Variants in MUC4 observed in about 807,000 individuals in gnomAD.
The protein encoded by MUC4 is mucin-4.
In MUC4, 202 loss-of-function variants were observed where a neutral mutation model predicts 257.9. The observed-to-expected ratio is 0.78, with a 90% CI of 0.70 to 0.88. MUC4 has a LOEUF of 0.88. Ranked by LOEUF, MUC4 falls within the 40% of genes least tolerant of loss-of-function variation. The pLI, the probability that MUC4 is intolerant of heterozygous loss-of-function variation, is 0.00. For synonymous variants in MUC4, 2,351 were observed against 2,757.1 expected, an observed-to-expected ratio of 0.85 and a Z score of 4.62; for missense variants, 5,976 against 6,513.7, an observed-to-expected ratio of 0.92 and a Z score of 2.84.
Position 195,789,902 on chromosome 3 carries a change from CTGT to C in MUC4, c.1675_1677del (p.Thr559del). The C allele has an allele frequency of 6.2e-7, 1 of 1,613,980 alleles. No individual in the cohort carries two copies. On this transcript the variant is annotated inframe_deletion, in exon 2 of 25. Transcript: ENST00000463781. ...GTCCATTGTGTCTGGGCGCCTGCCC[CTGT>C]TGTTTTTGGGAGAGTTGTGCTGTGG...
chr3:195,752,794 C>G (rs1038380192), intron 20 of MUC4, among the ~76,000 whole-genome samples: 33 of 152,222 alleles, frequency 2.2e-4, no homozygotes, highest in African/African-American at 8.0e-4. Context: ...CTCCCCAGCG[C>G]TCATCTCACT....
In MUC4 at chr3:195,757,879, T is replaced by A. The variant is rs1180630559; in HGVS notation, c.14987-551A>T. Among the ~76,000 whole-genome samples the A allele has an allele frequency of 6.6e-6, 1 of 152,100 alleles. No individual in the cohort carries two copies. The highest frequency in any genetic ancestry group is 6.5e-5 in the Admixed American group (1 of 15,272). ...GGAAAGTCTCCTTAAAACAGCAGAT[T>A]GAAAGGAAGTGACAGAGAATAGACG... On this transcript the variant is annotated intron_variant, in intron 17 of 24. Coordinates refer to ENST00000463781, the MANE Select transcript of MUC4 (RefSeq NM_018406.7). The surrounding 1 kb of genome is among the most constrained non-coding windows in gnomAD (Gnocchi z 4.8).
chr3:195,761,390 T>C, intron 15 of MUC4, 94 bp downstream of exon 15: 1 of 1,078,188 alleles, frequency 9.3e-7, no homozygotes, highest in Non-Finnish European at 1.4e-6. Context: ...TTAGGGAGGA[T>C]GGAGGTCTGC....
chr3:195,754,889 GTATCCATGTATGTA>G (rs1486605630), intron 18 of MUC4, among the ~76,000 whole-genome samples: 6 of 60,198 alleles, frequency 1.0e-4, no homozygotes, highest in Non-Finnish European at 2.2e-4. Context: ...ATCCATGTAT[GTATCCATGTATGTA>G]TGTGTGTGTC....
chr3:195,774,391 G>A, intron 3 of MUC4, 86 bp from the exon 4 acceptor site: 1 of 1,439,394 alleles, frequency 6.9e-7, no homozygotes, highest in African/African-American at 1.5e-5. Flanking sequence ...GCTCCCTGCA[G>A]GCTGCCCACA....
chr3:195,766,956 T>G (rs969184314), intron 7 of MUC4, among the ~76,000 whole-genome samples: 15 of 152,216 alleles, frequency 9.9e-5, no homozygotes, highest in South Asian at 2.1e-4. Flanking sequence ...GGTAGGAGGC[T>G]CTAACCGATT....
intron 1 of MUC4, among the ~76,000 whole-genome samples, chr3:195,803,330 CA>C (rs1325021879): frequency 6.6e-6 from 1 of 152,224 alleles, no homozygotes; most frequent in Non-Finnish European, 1.5e-5. Context: ...AAAATTAAAG[CA>C]GCTACTTTAA....
intron 7 of MUC4, among the ~76,000 whole-genome samples, chr3:195,767,543 T>TCGC (rs1721053622): frequency 2.8e-5 from 2 of 70,376 alleles, no homozygotes; most frequent in Non-Finnish European, 5.2e-5. Flanking sequence ...ACCACCATCA[T>TCGC]CACCATCACC....
intron 1 of MUC4, among the ~76,000 whole-genome samples, chr3:195,795,339 A>G (rs1319584042): frequency 6.6e-6 from 1 of 152,166 alleles, no homozygotes; most frequent in Non-Finnish European, 1.5e-5. Context: ...GTTTCATGAC[A>G]GCACCGTCCT....
In MUC4 at chr3:195,782,017, G is replaced by A. The variant is rs755235300; in HGVS notation, c.9563C>T (p.Thr3188Ile). 1.3e-6 allele frequency: 2 copies of A among 1,510,730 alleles called. No homozygotes were observed. The highest frequency in any genetic ancestry group is 1.2e-5 in the South Asian group (1 of 82,312). The allele number at this position is 1,510,730 out of a possible 1,614,324, so 93.6% of individuals were successfully genotyped here. Residue 3188 changes from threonine to isoleucine, a missense_variant, in exon 2 of 25, where the codon ACT becomes ATT. Transcript: ENST00000463781. ...STGDTTPLPVTSPSSASTGHA... is the reference protein window; with the variant it reads ...STGDTTPLPVISPSSASTGHA... ...ACCTGTGGATGCTGAGGAAGGGCTA[G>A]TGACAGGAAGAGGCGTGGTGTCACC...
chr3:195,776,253 TACCTTCCACACCCATACCTTCCACACC>T (rs1374059517), intron 3 of MUC4, among the ~76,000 whole-genome samples: 41 of 94,626 alleles, frequency 4.3e-4, no homozygotes, highest in African/African-American at 1.6e-3. Flanking sequence ...TCCACACCCA[TACCTTCCACACCCATACCTTCCACACC>T]CATACCTTCC....
intron 18 of MUC4, among the ~76,000 whole-genome samples, chr3:195,754,908 TGTGTC>T (rs1160442629): frequency 5.9e-4 from 27 of 45,558 alleles, no homozygotes; most frequent in Admixed American, 3.5e-3. Context: ...TATGTATGTG[TGTGTC>T]ATGCATGTAT....
intron 7 of MUC4, among the ~76,000 whole-genome samples, chr3:195,767,123 G>A: frequency 6.6e-6 from 1 of 152,080 alleles, no homozygotes; most frequent in East Asian, 1.9e-4. Flanking sequence ...GTATTGTGAT[G>A]GTTAAGACCC....
chr3:195,786,430 C>CG lies in MUC4; in HGVS notation c.5149_5150insC (p.Ser1717ThrfsTer9). 6.6e-7 allele frequency: 1 copy of CG among 1,517,334 alleles called. No individual in the cohort carries two copies. The highest frequency in any genetic ancestry group is 1.2e-5 in the South Asian group (1 of 82,584). 94.0% of individuals were successfully genotyped at this position (1,517,334 alleles called of 1,614,324 possible). On this transcript the variant is annotated frameshift_variant, in exon 2 of 25. Transcript: ENST00000463781. LOFTEE classifies it high-confidence loss of function. The stretch of plus-strand genomic sequence containing the variant: ...GTCACCTGTGGATACTGAGGAAAGG[C>CG]TGGTGACAGGAAGAGGGGTGGCCTG...
chr3:195,765,106 G>T lies in MUC4; in HGVS notation c.13815C>A (p.Gly4605=). The T allele has an allele frequency of 1.9e-6, 3 of 1,613,212 alleles. No homozygotes were observed. The South Asian group carries it at 3.3e-5, about 18-fold the overall frequency. Residue 4605 remains glycine (G), a synonymous_variant, in exon 10 of 25, where the codon GGC becomes GGA. Transcript: ENST00000463781. ...QPVSIGRWGL[G]SRQLCSFTSW... ...AGGTGAAGCTGCACAGCTGCCTACT[G>T]CCGAGGCCCCAGCGACCTGAAACAA...
At chr3:195,778,651 C>A (rs1345594355) in intron 2 of MUC4, 139 bp downstream of exon 2, 3 of 1,252,942 alleles carry the variant, frequency 2.4e-6, no homozygotes, top group Non-Finnish European at 3.3e-6. Context: ...ACCCACCACA[C>A]CCATCACCTC....
chr3:195,761,686 C>T, intron 14 of MUC4, 101 bp from the exon 15 acceptor site: 1 of 907,042 alleles, frequency 1.1e-6, no homozygotes. Flanking sequence ...GGCCTGGCAG[C>T]CTCTGCTCTT....
chr3:195,782,548 A>T lies in MUC4; in HGVS notation c.9032T>A (p.Val3011Asp), dbSNP rs1166886645. ...TGTGGATATTGAGGAAGTGTCGGTG[A>T]CAGGAAGAGAGGTGGCGTGACCTAT... ...ASIGHATSLP[V>D]TDTSSISTGH... Residue 3011 changes from valine to aspartate, a missense_variant, in exon 2 of 25, where the codon GTC becomes GAC. Val to Asp is a radical substitution (Grantham distance 152). This residue lies in a region of MUC4 where 68 missense variants were observed against 50.2 expected (regional missense o/e 1.35). Coordinates refer to ENST00000463781, the MANE Select transcript of MUC4 (RefSeq NM_018406.7). 18 of 1,477,818 alleles carry T rather than the reference A, an allele frequency of 1.2e-5. No individual in the cohort carries two copies. In the Admixed American group the frequency reaches 1.7e-4, roughly 14 times the overall value. The allele number at this position is 1,477,818 out of a possible 1,614,324, so 91.5% of individuals were successfully genotyped here.
At chr3:195,793,509 A>AT (rs1734140554) in intron 1 of MUC4, among the ~76,000 whole-genome samples, 1 of 140,038 alleles carries the variant, frequency 7.1e-6, no homozygotes, top group South Asian at 2.2e-4. Flanking sequence ...CTCAAAAAAA[A>AT]AATAAATAAA....
Sources: allele counts gnomAD v4.1 joint callset (sites outside exome capture counted in the v4.1 genomes callset), GRCh38; gene constraint gnomAD v4.1.1; regional missense constraint gnomAD v4.1.1; non-coding constraint Gnocchi (gnomAD v3.1); transcripts MANE v1.5; gene names NCBI Gene and HGNC (gene_info 2026-07-23, HGNC 2026-07-21).